Variants in SPTBN5 observed in about 807,000 individuals in gnomAD.
SPTBN5 encodes the protein spectrin beta chain, non-erythrocytic 5.
SPTBN5 carries 513 observed loss-of-function variants against 477.6 expected under a neutral mutation model. The ratio of observed to expected loss-of-function variants is 1.07; its 90% CI spans 1.00 to 1.16. SPTBN5 has a LOEUF of 1.16. SPTBN5 is among the 50% of genes most tolerant of loss of function. The pLI is 0.00. For synonymous variants in SPTBN5, 2,169 were observed against 2,011.7 expected (o/e 1.08, Z -2.09); for missense variants, 5,062 against 4,731.8 (o/e 1.07, Z -2.05).
intron 8 of SPTBN5, 37 bp from the exon 9 acceptor site, chr15:41,883,265 G>A (rs748935644): frequency 6.2e-7 from 1 of 1,604,698 alleles, no homozygotes; most frequent in Admixed American, 1.7e-5. Context: ...TGGTCCCAAG[G>A]TGCTGGGTCC....
chr15:41,854,683 T>C (rs1188382241), intron 56 of SPTBN5, 99 bp downstream of exon 56: 3 of 1,026,430 alleles, frequency 2.9e-6, no homozygotes, highest in South Asian at 2.0e-5. Flanking sequence ...CAGCAGGGTG[T>C]GTGTCTTGTT....
intron 4 of SPTBN5, among the ~76,000 whole-genome samples, chr15:41,888,575 C>T (rs1474477424): frequency 1.3e-5 from 2 of 152,232 alleles, no homozygotes; most frequent in Non-Finnish European, 2.9e-5. Flanking sequence ...ATTCTCCTGC[C>T]TCAGCCTCCT....
At chr15:41,873,398 G>C (rs144242312) in intron 26 of SPTBN5, 94 bp downstream of exon 26, 3 of 949,662 alleles carry the variant, frequency 3.2e-6, no homozygotes, top group Non-Finnish European at 4.9e-6. Flanking sequence ...CAAGAGCAGG[G>C]CTCCGTGCCT....
intron 43 of SPTBN5, 115 bp from the exon 44 acceptor site, chr15:41,862,407 G>A: frequency 6.6e-7 from 1 of 1,518,400 alleles, no homozygotes; most frequent in Non-Finnish European, 8.8e-7. Context: ...TGGGCTGGGA[G>A]TTACTGGGAG....
At chr15:41,893,804 G>T in intron 1 of SPTBN5, 95 bp downstream of exon 1, 1 of 483,782 alleles carries the variant, frequency 2.1e-6, no homozygotes, top group Non-Finnish European at 3.7e-6. Context: ...ACAGGTGGAA[G>T]GAAGACAGGA....
At position 41,867,013 on chromosome 15, in the gene SPTBN5, T is replaced by TCCC; in HGVS notation, c.6423_6425dup (p.Gly2142dup). The TCCC allele has an allele frequency of 6.4e-7, 1 of 1,559,332 alleles. No homozygotes were observed. The highest frequency in any genetic ancestry group is 2.4e-5 in the East Asian group (1 of 41,668). ...TCAGCAGGGAGGCATGCAGGGCGTGTCCCCGGCTCTCCGCCAGCTCCTTCA... is the reference window on the plus strand; with the variant it reads ...TCAGCAGGGAGGCATGCAGGGCGTGTCCCCCCCGGCTCTCCGCCAGCTCCTTCA... On this transcript the variant is annotated inframe_insertion, in exon 36 of 68. Coordinates refer to ENST00000320955, the MANE Select transcript of SPTBN5 (RefSeq NM_016642.4).
Position 41,874,298 on chromosome 15 carries a change from C to T in SPTBN5, c.4683G>A (p.Lys1561=), listed in dbSNP as rs2066644083. 1 of 1,610,514 alleles carries T rather than the reference C, an allele frequency of 6.2e-7. No individual in the cohort carries two copies. Among genetic ancestry groups the T allele is most frequent in the Non-Finnish European group, 8.5e-7 (1 of 1,178,304 alleles). Reference sequence around the variant, plus strand: ...GGAAGAAGAGGGCTATTACCTTGTGCTTGCGGTGAAGGCTCTGGGCACCAT... The same window carrying T: ...GGAAGAAGAGGGCTATTACCTTGTGTTTGCGGTGAAGGCTCTGGGCACCAT... ...CLNGAQSLHR[K]HKELQVEVKA... is the part of the protein sequence containing the mutation. Residue 1561 remains lysine (K), a synonymous_variant, in exon 24 of 68, where the codon AAG becomes AAA. Coordinates refer to ENST00000320955, the MANE Select transcript of SPTBN5 (RefSeq NM_016642.4).
In SPTBN5 at chr15:41,879,169, C is replaced by A. The variant is rs986052402; in HGVS notation, c.3182+91G>T. On this transcript the variant is annotated intron_variant, in intron 16 of 67. Transcript: ENST00000320955. Reference sequence around the variant, plus strand: ...CCCTCCTACCTGTTGTCTCCCCATCCCAATTTCTGTCCCTTCCTCATTCCA... The same window carrying A: ...CCCTCCTACCTGTTGTCTCCCCATCACAATTTCTGTCCCTTCCTCATTCCA... 1.6e-5 allele frequency: 23 copies of A among 1,474,900 alleles called. No homozygotes were observed. The African/African-American group carries it at 2.5e-4, about 16-fold the overall frequency. The allele number at this position is 1,474,900 out of a possible 1,614,324, so 91.4% of individuals were successfully genotyped here.
At position 41,867,105 on chromosome 15, in the gene SPTBN5, GC is replaced by G. The variant is rs1369257593; in HGVS notation, c.6333del (p.Leu2112Ter). The G allele has an allele frequency of 1.9e-6, 3 of 1,539,364 alleles. No homozygotes were observed. In the African/African-American group the frequency reaches 4.1e-5, roughly 21 times the overall value. On this transcript the variant is annotated frameshift_variant, in exon 36 of 68. Transcript: ENST00000320955. LOFTEE classifies it high-confidence loss of function. ...QDKKEAALRE[R>X]LKTLRRPRVR... Reference sequence around the variant, plus strand: ...ACCCGGGGGCGCCGGAGCGTCTTCAGCCGCTCACGCAGGGCTGCCTCCTGTG... The same window carrying G: ...ACCCGGGGGCGCCGGAGCGTCTTCAGCGCTCACGCAGGGCTGCCTCCTGTG...
chr15:41,886,107 C>G lies in SPTBN5; in HGVS notation c.1148G>C (p.Arg383Thr), dbSNP rs371869096. Residue 383 changes from arginine (R) to threonine (T), a missense_variant, in exon 7 of 68, where the codon AGG (arginine) becomes ACG (threonine). Transcript: ENST00000320955. Reference sequence around the variant, plus strand: ...CAGGCCCTCATGAGGCAGGAAGGGCCTGCGGTTCTGGGCTTGGAGTGCTGT... The same window carrying G: ...CAGGCCCTCATGAGGCAGGAAGGGCGTGCGGTTCTGGGCTTGGAGTGCTGT... ...LQTALQAQNR[R>T]PFLPHEGLGL... The G allele has an allele frequency of 1.2e-6, 2 of 1,609,926 alleles. No homozygotes were observed. The highest frequency in any genetic ancestry group is 1.7e-6 in the Non-Finnish European group (2 of 1,177,974).
intron 13 of SPTBN5, 129 bp from the exon 14 acceptor site, chr15:41,880,441 C>T: frequency 1.0e-6 from 1 of 963,662 alleles, no homozygotes; most frequent in Non-Finnish European, 1.5e-6. Context: ...CAGAGGGGGT[C>T]CCTGCCTCAC....
chr15:41,851,710 G>A lies in SPTBN5; in HGVS notation c.10656+69C>T. On this transcript the variant is annotated intron_variant, in intron 63 of 67. Coordinates refer to ENST00000320955, the MANE Select transcript of SPTBN5 (RefSeq NM_016642.4). ...AGTGCAAGGGTGCCAGGCCCAGATG[G>A]CTCTTCGAGCCACTCAAGTGCTGCT... The A allele has an allele frequency of 3.3e-6, 4 of 1,207,854 alleles. No homozygotes were observed. In the South Asian group the frequency reaches 3.8e-5, roughly 11 times the overall value. 74.8% of individuals were successfully genotyped at this position (1,207,854 alleles called of 1,614,324 possible).
intron 53 of SPTBN5, 89 bp from the exon 54 acceptor site, chr15:41,855,834 G>C: frequency 7.4e-7 from 1 of 1,355,598 alleles, no homozygotes; most frequent in Non-Finnish European, 9.8e-7. Flanking sequence ...GGCTGCACAG[G>C]GGAATCACCT....
At chr15:41,878,211 G>C in intron 17 of SPTBN5, 131 bp downstream of exon 17, 1 of 1,131,030 alleles carries the variant, frequency 8.8e-7, no homozygotes, top group South Asian at 1.6e-5. Context: ...CAGCATGCCA[G>C]ACACCAACCA....
rs1158350948 is a variant in SPTBN5, at chr15:41,878,622, C to T, written c.3190G>A (p.Glu1064Lys). The T allele has an allele frequency of 1.2e-6, 2 of 1,610,056 alleles. No individual in the cohort carries two copies. The highest frequency in any genetic ancestry group is 1.7e-6 in the Non-Finnish European group (2 of 1,178,286). ...FLQSVVVKVE[E>K]PGYAESQPLQ... ...GGCTGGCTCTCTGCGTAGCCTGGCT[C>T]CTCGACCCTGGGAGACAGGGTGCGC... Residue 1064 changes from glutamate to lysine, a missense_variant, in exon 17 of 68, where the codon GAG becomes AAG. By Grantham distance (56) the Glu-to-Lys change is moderately conservative. Coordinates refer to ENST00000320955, the MANE Select transcript of SPTBN5 (RefSeq NM_016642.4).
chr15:41,884,941 G>C (rs181320937), intron 7 of SPTBN5, among the ~76,000 whole-genome samples: 59 of 152,296 alleles, frequency 3.9e-4, no homozygotes, highest in African/African-American at 1.4e-3. Context: ...CTTCTTTCTG[G>C]TTTTTACTTA....
chr15:41,850,193 C>A, intron 66 of SPTBN5: 1 of 538,716 alleles, frequency 1.9e-6, no homozygotes, highest in East Asian at 3.1e-5. Context: ...AAAGGCTGAG[C>A]CTTTCTTAGG....
Position 41,851,863 on chromosome 15 carries a change from G to T in SPTBN5, c.10585-13C>A, listed in dbSNP as rs929427781. 6.2e-7 allele frequency: 1 copy of T among 1,606,128 alleles called. No individual in the cohort carries two copies. ...TACCCTTTGCATCCTGAAAATGCAAGATGGGGCCCAGAAATGTCAGGACCA... is the reference window on the plus strand; with the variant it reads ...TACCCTTTGCATCCTGAAAATGCAATATGGGGCCCAGAAATGTCAGGACCA... On this transcript the variant is annotated splice_polypyrimidine_tract_variant and intron_variant, in intron 62 of 67. Transcript: ENST00000320955.
At position 41,855,709 on chromosome 15, in the gene SPTBN5, G is replaced by A. The variant is rs1486227234; in HGVS notation, c.9058C>T (p.His3020Tyr). 1 of 1,595,572 alleles carries A rather than the reference G, an allele frequency of 6.3e-7. No homozygotes were observed. ...CCCATGTCCTCGCTGTCCAGGACAT[G>A]GCCCCGCTCAGCCAGCCAGGATCCC... ...EAGSWLAERG[H>Y]VLDSEDMGHS... The change falls in exon 54 of 68, where the codon CAT becomes TAT. Residue 3020 changes from histidine (H) to tyrosine (Y), a missense_variant. His to Tyr is a moderately conservative substitution (Grantham distance 83). Coordinates refer to ENST00000320955, the MANE Select transcript of SPTBN5 (RefSeq NM_016642.4).
Sources: allele counts gnomAD v4.1 joint callset (sites outside exome capture counted in the v4.1 genomes callset), GRCh38; gene constraint gnomAD v4.1.1; transcripts MANE v1.5; gene names NCBI Gene and HGNC (gene_info 2026-07-23, HGNC 2026-07-21).